MEGF11: variants seen among roughly 807,000 people sequenced by gnomAD.
The protein encoded by MEGF11 is multiple epidermal growth factor-like domains protein 11.
MEGF11 carries 126 observed loss-of-function variants against 146.6 expected under a neutral mutation model. The ratio of observed to expected loss-of-function variants is 0.86; its 90% CI spans 0.74 to 1.00. MEGF11 has a LOEUF of 1.00. Among genes scored for constraint, MEGF11 ranks in the 50% least tolerant of loss-of-function variants. MEGF11 has a pLI of 0.00. For missense variants in MEGF11, 1,509 were observed against 1,521.2 expected (o/e 0.99, Z 0.13); for synonymous variants, 532 against 583.4 (o/e 0.91, Z 1.27).
intron 5 of MEGF11, among the ~76,000 whole-genome samples, chr15:66,019,920 T>C (rs1252356576): frequency 6.6e-6 from 1 of 152,234 alleles, no homozygotes. Flanking sequence ...TTTCCACCGC[T>C]ACCCATTTCC....
At chr15:66,234,617 TC>T (rs1398118882) in intron 1 of MEGF11, among the ~76,000 whole-genome samples, 3 of 152,110 alleles carry the variant, frequency 2.0e-5, no homozygotes, top group African/African-American at 7.2e-5. Context: ...CTGAATATGA[TC>T]CCTGAAGGAC....
intron 1 of MEGF11, among the ~76,000 whole-genome samples, chr15:66,189,472 G>A (rs1430714966): frequency 6.6e-6 from 1 of 152,218 alleles, no homozygotes; most frequent in Non-Finnish European, 1.5e-5. Flanking sequence ...GGAAGCTGAG[G>A]TTGAGGCCCA....
chr15:66,188,124 C>A (rs2090762761), intron 1 of MEGF11, among the ~76,000 whole-genome samples: 1 of 151,928 alleles, frequency 6.6e-6, no homozygotes, highest in South Asian at 2.1e-4. Context: ...AGTAACACCC[C>A]CCCATGCCCC....
At chr15:66,244,155 A>T (rs1226934366) in intron 1 of MEGF11, among the ~76,000 whole-genome samples, 1 of 152,160 alleles carries the variant, frequency 6.6e-6, no homozygotes, top group African/African-American at 2.4e-5. Context: ...CGAGGCCCTA[A>T]CAATGGTGGT....
chr15:66,069,002 C>T (rs1481902377), intron 5 of MEGF11, among the ~76,000 whole-genome samples: 1 of 152,214 alleles, frequency 6.6e-6, no homozygotes, highest in African/African-American at 2.4e-5. Flanking sequence ...TGTGCTTGGT[C>T]ACTGGGTGCT....
intron 1 of MEGF11, among the ~76,000 whole-genome samples, chr15:66,210,923 A>G (rs2091429842): frequency 6.6e-6 from 1 of 152,234 alleles, no homozygotes; most frequent in African/African-American, 2.4e-5. Context: ...CAAGTCACAG[A>G]TGGCAAGAAA....
chr15:65,977,351 C>T (rs995624832), intron 7 of MEGF11, among the ~76,000 whole-genome samples: 12 of 152,040 alleles, frequency 7.9e-5, no homozygotes, highest in South Asian at 6.2e-4. Context: ...GGACAGTGAG[C>T]TGTGGTTGGT....
chr15:65,952,184 A>G (rs1167279451), intron 10 of MEGF11, among the ~76,000 whole-genome samples: 1 of 152,178 alleles, frequency 6.6e-6, no homozygotes, highest in Non-Finnish European at 1.5e-5. Flanking sequence ...CTCATGGATA[A>G]TGGGGACTAC....
intron 20 of MEGF11, among the ~76,000 whole-genome samples, chr15:65,913,063 C>T (rs772559487): frequency 3.9e-5 from 6 of 152,180 alleles, no homozygotes; most frequent in Non-Finnish European, 5.9e-5. Context: ...AAAAACCTTT[C>T]GTATTTCCAA....
intron 11 of MEGF11, 27 bp downstream of exon 11, chr15:65,930,796 A>G: frequency 6.3e-7 from 1 of 1,577,126 alleles, no homozygotes; most frequent in East Asian, 2.3e-5. Flanking sequence ...TATGTCAGGG[A>G]TGGGCTTGGG....
chr15:66,035,171 G>T (rs778818682), intron 5 of MEGF11, among the ~76,000 whole-genome samples: 18 of 152,212 alleles, frequency 1.2e-4, no homozygotes, highest in Admixed American at 3.3e-4. Flanking sequence ...CCCAGAGTAT[G>T]CAGCAAAGTA....
At chr15:66,025,770 C>A (rs1454735477) in intron 5 of MEGF11, among the ~76,000 whole-genome samples, 1 of 152,152 alleles carries the variant, frequency 6.6e-6, no homozygotes, top group Admixed American at 6.5e-5. Context: ...TGCAGACTTA[C>A]ACTTCTGTGA....
At chr15:66,154,136 G>A (rs924507325) in intron 1 of MEGF11, among the ~76,000 whole-genome samples, 1 of 152,218 alleles carries the variant, frequency 6.6e-6, no homozygotes, top group South Asian at 2.1e-4. Context: ...GCAGCTTTGC[G>A]TGAGACAGGC....
intron 1 of MEGF11, among the ~76,000 whole-genome samples, chr15:66,227,857 A>C (rs1456239824): frequency 6.6e-6 from 1 of 152,138 alleles, no homozygotes; most frequent in Non-Finnish European, 1.5e-5. Flanking sequence ...TTCAGATACC[A>C]TCTTCTAAGA....
At chr15:66,148,253 GA>G (rs530612383) in intron 1 of MEGF11, among the ~76,000 whole-genome samples, 42 of 150,114 alleles carry the variant, frequency 2.8e-4, no homozygotes, top group Non-Finnish European at 3.4e-4. Flanking sequence ...GGCAAACTAG[GA>G]AAAAAAAACA....
chr15:66,203,199 C>A (rs901279167), intron 1 of MEGF11, among the ~76,000 whole-genome samples: 2 of 152,210 alleles, frequency 1.3e-5, no homozygotes, highest in Admixed American at 6.5e-5. Context: ...TCAGCCACCC[C>A]CAAGTGGGGT....
At chr15:65,957,508 G>A (rs747851142) in intron 10 of MEGF11, 39 bp downstream of exon 10, 3 of 1,592,452 alleles carry the variant, frequency 1.9e-6, no homozygotes, top group Admixed American at 3.4e-5. Context: ...CTGGCCCGGT[G>A]GAGGTCAGGA....
chr15:66,246,307 G>A (rs893989121), intron 1 of MEGF11, among the ~76,000 whole-genome samples: 4 of 152,106 alleles, frequency 2.6e-5, no homozygotes, highest in African/African-American at 9.7e-5. Flanking sequence ...CGATGCTTGA[G>A]TATTGCAAGC....
chr15:66,053,016 G>A (rs2140359385), intron 5 of MEGF11, among the ~76,000 whole-genome samples: 1 of 152,244 alleles, frequency 6.6e-6, no homozygotes, highest in Non-Finnish European at 1.5e-5. Context: ...GGATGCATGG[G>A]TTGATGGGCA....
Sources: gnomAD v4.1 joint callset for allele counts (sites outside exome capture counted in the v4.1 genomes callset) on GRCh38, gnomAD v4.1.1 for gene constraint, MANE v1.5 for transcripts, NCBI Gene and HGNC (gene_info 2026-07-23, HGNC 2026-07-21) for gene names.